Variants in SFT2D2 observed in about 807,000 individuals in gnomAD.
SFT2D2 encodes the protein SFT2 domain containing 2, also known as vesicle transport protein SFT2B.
SFT2D2 carries 21 observed loss-of-function variants against 27.4 expected under a neutral mutation model. The observed-to-expected ratio is 0.77, with a 90% CI of 0.54 to 1.10. The LOEUF is 1.10. Ranked by LOEUF, SFT2D2 falls within the 50% of genes least tolerant of loss-of-function variation. The pLI is 0.00. For missense variants in SFT2D2, 187 were observed against 194.2 expected (o/e 0.96, Z 0.22); for synonymous variants, 72 against 71.7 (o/e 1.00, Z -0.02).
intron 1 of SFT2D2, among the ~76,000 whole-genome samples, chr1:168,226,848 C>T (rs1373922119): frequency 3.9e-5 from 6 of 152,044 alleles, no homozygotes; most frequent in African/African-American, 1.2e-4. Context: ...GAGACAGAGT[C>T]TCACTCTGTC....
Position 168,243,178 on chromosome 1 carries a change from G to A in SFT2D2, c.*638G>A, listed in dbSNP as rs1306521556. The A allele has an allele frequency of 6.6e-6, 1 of 152,252 alleles. No individual in the cohort carries two copies. Among genetic ancestry groups the A allele is most frequent in the Non-Finnish European group, 1.5e-5 (1 of 68,216 alleles). 9.4% of individuals were successfully genotyped at this position (152,252 alleles called of 1,614,324 possible). ...CTGTGGAATGTATTTTCTGACATTA[G>A]GTGCAGACTCTTTTTCTCTTGGGTT... On this transcript the variant is annotated 3_prime_UTR_variant, in exon 8 of 8. Coordinates refer to ENST00000271375, the MANE Select transcript of SFT2D2 (RefSeq NM_199344.3).
chr1:168,241,205 CTTTTTTTT>C (rs11387591), intron 7 of SFT2D2, among the ~76,000 whole-genome samples: 1 of 100,156 alleles, frequency 1.0e-5, no homozygotes, highest in African/African-American at 3.9e-5. Flanking sequence ...CCCTTCTATT[CTTTTTTTT>C]TTTTTTTTTT....
In SFT2D2 at chr1:168,226,088, G is replaced by A; in HGVS notation, c.9G>A (p.Lys3=). The A allele has an allele frequency of 2.6e-6, 4 of 1,534,726 alleles. No individual in the cohort carries two copies. Among genetic ancestry groups the A allele is most frequent in the Non-Finnish European group, 3.5e-6 (4 of 1,139,876 alleles). The change falls in exon 1 of 8, where the codon AAG becomes AAA. Residue 3 remains lysine, a synonymous_variant. Coordinates refer to ENST00000271375, the MANE Select transcript of SFT2D2 (RefSeq NM_199344.3). ...GTGGGGACTGGGCCGCAATGGACAA[G>A]CTGAAGAAGGTGCTGAGCGGGCAGG... is the stretch of plus-strand genomic sequence containing the variant. MD[K]LKKVLSGQDT... is the part of the protein sequence containing the mutation.
At chr1:168,238,545 G>A (rs935929921) in intron 6 of SFT2D2, among the ~76,000 whole-genome samples, 3 of 152,032 alleles carry the variant, frequency 2.0e-5, no homozygotes, top group Admixed American at 1.3e-4. Context: ...GCCGGGCATG[G>A]TGGCACATAC....
At position 168,231,541 on chromosome 1, in the gene SFT2D2, A is replaced by C. The variant is rs1268579030; in HGVS notation, c.91A>C (p.Ser31Arg). 3 of 1,613,766 alleles carry C rather than the reference A, an allele frequency of 1.9e-6. No individual in the cohort carries two copies. The East Asian group carries it at 6.7e-5, about 36-fold the overall frequency. ...EVVEASSLSW[S>R]TRIKGFIACF... ...TGTTGAGGCATCTTCATTAAGCTGG[A>C]GTACCAGGATAAAAGGCTTCATTGC... Residue 31 changes from serine to arginine, a missense_variant, in exon 2 of 8, where the codon AGT becomes CGT. By Grantham distance (110) the Ser-to-Arg change is moderately radical (BLOSUM62 -1). Coordinates refer to ENST00000271375, the MANE Select transcript of SFT2D2 (RefSeq NM_199344.3).
intron 3 of SFT2D2, among the ~76,000 whole-genome samples, chr1:168,233,643 TG>T (rs200545010): frequency 6.6e-6 from 1 of 151,986 alleles, no homozygotes; most frequent in South Asian, 2.1e-4. Flanking sequence ...TAACTTTGGG[TG>T]GGGGGGTGTT....
At chr1:168,228,090 C>T (rs948963565) in intron 1 of SFT2D2, among the ~76,000 whole-genome samples, 5 of 152,174 alleles carry the variant, frequency 3.3e-5, no homozygotes, top group Non-Finnish European at 5.9e-5. Flanking sequence ...TTTCCTCTTT[C>T]TGAGTGAGAT....
intron 3 of SFT2D2, among the ~76,000 whole-genome samples, chr1:168,232,287 A>G (rs1416397118): frequency 2.6e-5 from 4 of 152,258 alleles, no homozygotes; most frequent in African/African-American, 9.6e-5. Context: ...CATAAGGGAA[A>G]CTGGTTTTTA....
Position 168,231,871 on chromosome 1 carries a change from A to C in SFT2D2, c.188A>C (p.His63Pro). 6.2e-7 allele frequency: 1 copy of C among 1,613,948 alleles called. No homozygotes were observed. Among genetic ancestry groups the C allele is most frequent in the Non-Finnish European group, 8.5e-7 (1 of 1,179,990 alleles). Residue 63 changes from histidine to proline, a missense_variant, in exon 3 of 8, where the codon CAC (histidine) becomes CCC (proline). His to Pro is a moderately conservative substitution (Grantham distance 77). Transcript: ENST00000271375. ...VLLWVPRKGLHLFAVFYTFGN... is the reference protein window; with the variant it reads ...VLLWVPRKGLPLFAVFYTFGN... ...CTGTGGGTGCCCAGGAAGGGACTAC[A>C]CCTCTTCGCAGTGTTTTATACCTTT...
chr1:168,227,150 T>C (rs916274201), intron 1 of SFT2D2, among the ~76,000 whole-genome samples: 1 of 152,212 alleles, frequency 6.6e-6, no homozygotes, highest in Admixed American at 6.5e-5. Flanking sequence ...TGCTGAAACC[T>C]GGCCACTAAT....
At chr1:168,228,718 T>C (rs1179365668) in intron 1 of SFT2D2, among the ~76,000 whole-genome samples, 1 of 152,214 alleles carries the variant, frequency 6.6e-6, no homozygotes, top group Admixed American at 6.5e-5. Context: ...CTTAGTATTA[T>C]TCTTGGCAAG....
rs1647926388 is a variant in SFT2D2, at chr1:168,250,501, T to C, written c.*7961T>C. ...AAGGGAACCAATAAGGTGACTCTTT[T>C]GCAGATTGGAATATGGTGCTCAGCC... On this transcript the variant is annotated 3_prime_UTR_variant, in exon 8 of 8. Transcript: ENST00000271375. 6.6e-6 allele frequency: 1 copy of C among 152,320 alleles called. No individual in the cohort carries two copies. The highest frequency in any genetic ancestry group is 2.4e-5 in the African/African-American group (1 of 41,436). The allele number at this position is 152,320 out of a possible 1,614,324, so 9.4% of individuals were successfully genotyped here. A position where few individuals can be genotyped will look rare whatever the true frequency, so the allele number is the denominator to read the frequency against.
intron 1 of SFT2D2, among the ~76,000 whole-genome samples, chr1:168,227,362 C>G (rs1427261069): frequency 6.6e-6 from 1 of 152,112 alleles, no homozygotes; most frequent in East Asian, 1.9e-4. Context: ...GGTTTCTCAG[C>G]AAGTTCTTCT....
chr1:168,238,450 G>A (rs1647562249), intron 6 of SFT2D2, among the ~76,000 whole-genome samples: 1 of 151,868 alleles, frequency 6.6e-6, no homozygotes, highest in African/African-American at 2.4e-5. Context: ...GAAGCCAGGA[G>A]TTTGAGACTA....
At chr1:168,237,963 C>G (rs1041647804) in intron 6 of SFT2D2, among the ~76,000 whole-genome samples, 1 of 151,552 alleles carries the variant, frequency 6.6e-6, no homozygotes, top group Admixed American at 6.6e-5. Flanking sequence ...ACACACCTTG[C>G]TTTGCTTATA....
At chr1:168,236,533 T>G (rs1462289319) in intron 4 of SFT2D2, 56 bp from the exon 5 acceptor site, 31 of 1,423,060 alleles carry the variant, frequency 2.2e-5, no homozygotes, top group East Asian at 7.0e-5. Flanking sequence ...AAGTTTTGAG[T>G]TTTTTTTTTC....
chr1:168,234,318 CAGGAGGTGG>C (rs1318035765), intron 3 of SFT2D2, among the ~76,000 whole-genome samples: 4 of 151,438 alleles, frequency 2.6e-5, no homozygotes, highest in African/African-American at 9.7e-5. Flanking sequence ...CACTTGAACC[CAGGAGGTGG>C]AGGTTGCAAT....
rs909553652 is a variant in SFT2D2 at position 168,243,641 on chromosome 1, G to C, written c.*1101G>C. The C allele has an allele frequency of 2.0e-5, 3 of 152,292 alleles. No homozygotes were observed. The highest frequency in any genetic ancestry group is 4.4e-5 in the Non-Finnish European group (3 of 68,108). The allele number at this position is 152,292 out of a possible 1,614,324, so 9.4% of individuals were successfully genotyped here. On this transcript the variant is annotated 3_prime_UTR_variant, in exon 8 of 8. Coordinates refer to ENST00000271375, the MANE Select transcript of SFT2D2 (RefSeq NM_199344.3). ...CGATCTTACCTGGTTCTTATGGAGA[G>C]CCTTGTGAGGAAGCAGGGATTGTTA...
Position 168,247,303 on chromosome 1 carries a change from A to G in SFT2D2, c.*4763A>G, listed in dbSNP as rs1175905413. On this transcript the variant is annotated 3_prime_UTR_variant, in exon 8 of 8. Coordinates refer to ENST00000271375, the MANE Select transcript of SFT2D2 (RefSeq NM_199344.3). ...ATGCGGGTTTGTTACATAGGTATAC[A>G]TGTAATGTTATCCCTCCCCTAGCCC... The G allele has an allele frequency of 1.4e-5, 3 of 211,390 alleles. No homozygotes were observed. The highest frequency in any genetic ancestry group is 7.3e-5 in the South Asian group (1 of 13,708). The allele number at this position is 211,390 out of a possible 1,614,324, so 13.1% of individuals were successfully genotyped here.
Sources: gnomAD v4.1 joint callset for allele counts (sites outside exome capture counted in the v4.1 genomes callset) on GRCh38, gnomAD v4.1.1 for gene constraint, MANE v1.5 for transcripts, NCBI Gene and HGNC (gene_info 2026-07-23, HGNC 2026-07-21) for gene names.